The following RNF180 variants were observed in gnomAD, a reference collection of about 807,000 sequenced individuals.
The protein encoded by RNF180 is E3 ubiquitin-protein ligase RNF180.
RNF180 carries 38 observed loss-of-function variants against 59.2 expected under a neutral mutation model. The ratio of observed to expected loss-of-function variants is 0.64; its 90% confidence interval spans 0.50 to 0.84. RNF180 has a LOEUF of 0.84. RNF180 is among the 40% of genes least tolerant of loss of function. RNF180 has a pLI of 0.00. For missense variants in RNF180, 705 were observed against 700.9 expected (o/e 1.01, Z -0.07); for synonymous variants, 262 against 240.3 (o/e 1.09, Z -0.84).
chr5:64,346,359 CTT>C (rs1162054033), intron 7 of RNF180, among the ~76,000 whole-genome samples: 410 of 42,906 alleles, frequency 9.6e-3, no homozygotes, highest in African/African-American at 0.036. Context: ...TTCTTTTCTT[CTT>C]TTTTTTTTTT....
intron 5 of RNF180, among the ~76,000 whole-genome samples, chr5:64,245,729 A>G (rs1743109480): frequency 6.6e-6 from 1 of 152,210 alleles, no homozygotes; most frequent in Non-Finnish European, 1.5e-5. Flanking sequence ...ATTTACAAGG[A>G]TATTCAGGAC....
chr5:64,194,721 G>A (rs189540196), intron 1 of RNF180, among the ~76,000 whole-genome samples: 7 of 152,138 alleles, frequency 4.6e-5, no homozygotes, highest in East Asian at 3.9e-4. Context: ...ATGGTATCTC[G>A]TTGTTTTGAT....
At chr5:64,221,216 A>G (rs1264625900) in intron 5 of RNF180, among the ~76,000 whole-genome samples, 1 of 152,014 alleles carries the variant, frequency 6.6e-6, no homozygotes, top group Non-Finnish European at 1.5e-5. Flanking sequence ...ATTATTCCCC[A>G]TTCATTCTCC....
At chr5:64,177,364 C>G (rs992843086) in intron 1 of RNF180, among the ~76,000 whole-genome samples, 7 of 151,910 alleles carry the variant, frequency 4.6e-5, no homozygotes, top group African/African-American at 1.7e-4. Context: ...GAAGACTACT[C>G]TCTTCACAAA....
intron 5 of RNF180, among the ~76,000 whole-genome samples, chr5:64,226,723 A>G (rs1252018752): frequency 6.6e-6 from 1 of 152,220 alleles, no homozygotes; most frequent in African/African-American, 2.4e-5. Context: ...ATATTTTGCT[A>G]CAGCAGCCAC....
intron 5 of RNF180, among the ~76,000 whole-genome samples, chr5:64,317,774 G>GT (rs1744137110): frequency 6.7e-6 from 1 of 148,654 alleles, no homozygotes; most frequent in South Asian, 2.1e-4. Flanking sequence ...ATTTTCTATG[G>GT]GTTTTTGTCC....
intron 7 of RNF180, among the ~76,000 whole-genome samples, chr5:64,338,590 G>A (rs918301714): frequency 1.7e-4 from 26 of 149,386 alleles, no homozygotes; most frequent in African/African-American, 5.2e-4. Context: ...AGTGGAGATC[G>A]CGCCACTGCA....
Position 64,226,045 on chromosome 5 carries a change from C to T in RNF180, c.1227+8649C>T, listed in dbSNP as rs375776596. Among the ~76,000 whole-genome samples the T allele has an allele frequency of 6.9e-4, 102 of 148,592 alleles. No homozygotes were observed. The East Asian group carries it at 0.014, about 21-fold the overall frequency. On this transcript the variant is annotated intron_variant, in intron 5 of 7. Transcript: ENST00000389100. The stretch of plus-strand genomic sequence containing the variant: ...GCCGCCCCGTCTGGGAAGTGAGGAG[C>T]GCCTCTGCCTGGCCGCCCCATCTGG...
At chr5:64,282,090 C>T (rs568003247) in intron 5 of RNF180, among the ~76,000 whole-genome samples, 1 of 151,528 alleles carries the variant, frequency 6.6e-6, no homozygotes, top group South Asian at 2.1e-4. Flanking sequence ...TGTATCTCCT[C>T]CTCAATTTTT....
At chr5:64,290,888 T>G (rs552380852) in intron 5 of RNF180, among the ~76,000 whole-genome samples, 1 of 152,204 alleles carries the variant, frequency 6.6e-6, no homozygotes, top group Non-Finnish European at 1.5e-5. Context: ...AAAGTTAATA[T>G]TGTTATTTTG....
At chr5:64,196,406 C>T (rs1313818655) in intron 1 of RNF180, among the ~76,000 whole-genome samples, 2 of 152,030 alleles carry the variant, frequency 1.3e-5, no homozygotes, top group African/African-American at 2.4e-5. Context: ...AAGGAAGTTT[C>T]CTTCTATTGC....
chr5:64,196,719 T>C (rs930765588), intron 1 of RNF180, among the ~76,000 whole-genome samples: 3 of 152,154 alleles, frequency 2.0e-5, no homozygotes, highest in Admixed American at 2.0e-4. Flanking sequence ...TCTCCTTGTC[T>C]AGTTTTATAT....
chr5:64,197,396 T>C (rs920981472), intron 1 of RNF180, among the ~76,000 whole-genome samples: 2 of 152,210 alleles, frequency 1.3e-5, no homozygotes, highest in Non-Finnish European at 2.9e-5. Context: ...AAAACTGTTT[T>C]CTTGGTAATA....
chr5:64,355,700 T>C (rs1483937047), intron 7 of RNF180, among the ~76,000 whole-genome samples: 1 of 151,882 alleles, frequency 6.6e-6, no homozygotes, highest in Non-Finnish European at 1.5e-5. Context: ...AGAATAGACA[T>C]ATAGATCAAG....
At position 64,372,503 on chromosome 5, in the gene RNF180, C is replaced by T. The variant is rs1212388671; in HGVS notation, c.*2689C>T. On this transcript the variant is annotated 3_prime_UTR_variant, in exon 8 of 8. Transcript: ENST00000389100. ...TCACTTCTGCCTTGGAATCTTGCTC[C>T]TAAGTTAGCTCTGTGGCATAACAAA... 4 of 151,870 alleles carry T rather than the reference C, an allele frequency of 2.6e-5. No homozygotes were observed. Among genetic ancestry groups the T allele is most frequent in the Admixed American group, 2.6e-4 (4 of 15,196 alleles). 9.4% of individuals were successfully genotyped at this position (151,870 alleles called of 1,614,324 possible). A position where few individuals can be genotyped will look rare whatever the true frequency, so the allele number is the denominator to read the frequency against.
intron 5 of RNF180, among the ~76,000 whole-genome samples, chr5:64,246,034 G>T (rs1163939429): frequency 6.6e-6 from 1 of 152,038 alleles, no homozygotes; most frequent in Non-Finnish European, 1.5e-5. Flanking sequence ...CAAAATTAAG[G>T]CAGAAATAAG....
At chr5:64,342,205 A>G (rs1745380068) in intron 7 of RNF180, among the ~76,000 whole-genome samples, 1 of 152,172 alleles carries the variant, frequency 6.6e-6, no homozygotes, top group Non-Finnish European at 1.5e-5. Flanking sequence ...ATTATAAGTT[A>G]CAAAAATCAC....
intron 1 of RNF180, among the ~76,000 whole-genome samples, chr5:64,196,192 T>C: frequency 1.7e-5 from 1 of 60,310 alleles, no homozygotes; most frequent in Admixed American, 1.6e-4. Flanking sequence ...GGCACTTAGT[T>C]TTTTTTTTTT....
chr5:64,328,751 C>T (rs572472163), intron 6 of RNF180, among the ~76,000 whole-genome samples: 2 of 152,096 alleles, frequency 1.3e-5, no homozygotes, highest in African/African-American at 4.8e-5. Flanking sequence ...AAAATCAACC[C>T]AAGGCAGTGA....
Sources: allele counts gnomAD v4.1 joint callset (sites outside exome capture counted in the v4.1 genomes callset), GRCh38; gene constraint gnomAD v4.1.1; transcripts MANE v1.5; gene names NCBI Gene and HGNC (gene_info 2026-07-23, HGNC 2026-07-21).